ARL15: variants seen among roughly 807,000 people sequenced by gnomAD.
ARL15 encodes the protein ADP-ribosylation factor-like protein 15.
Under a neutral mutation model 25.2 loss-of-function variants are expected in ARL15, and 19 were observed. That is an observed-to-expected ratio of 0.75 (90% confidence interval 0.53 to 1.10). The LOEUF is 1.10. ARL15 is among the 50% of genes least tolerant of loss of function. ARL15 has a pLI of 0.00. For synonymous variants in ARL15, 94 were observed against 86.8 expected, an observed-to-expected ratio of 1.08 and a Z score of -0.46; for missense variants, 220 against 246.0, an observed-to-expected ratio of 0.89 and a Z score of 0.71.
rs562548685 is a variant in ARL15, at chr5:54,086,318, T to C, written c.462+26884A>G. On this transcript the variant is annotated intron_variant, in intron 4 of 4. Coordinates refer to ENST00000504924, the MANE Select transcript of ARL15 (RefSeq NM_019087.3). ...TGGAAGTTATAGGCTTTTTTCAAAA[T>C]CCCCTTTAATTGCTTATTAGTTCTA... Among the ~76,000 whole-genome samples the C allele has an allele frequency of 5.9e-5, 9 of 152,260 alleles. No homozygotes were observed. The South Asian group carries it at 1.4e-3, about 25-fold the overall frequency.
At chr5:53,891,622 A>T (rs1352219785) in intron 4 of ARL15, among the ~76,000 whole-genome samples, 2 of 152,150 alleles carry the variant, frequency 1.3e-5, no homozygotes, top group African/African-American at 4.8e-5. Context: ...ACCACTGGGG[A>T]TGGCAGCTGG....
chr5:54,068,146 G>A (rs1751304264), intron 4 of ARL15, among the ~76,000 whole-genome samples: 1 of 152,162 alleles, frequency 6.6e-6, no homozygotes, highest in Non-Finnish European at 1.5e-5. Flanking sequence ...GCCATGATTT[G>A]AACTGAGGAT....
At chr5:54,302,564 G>A (rs1758640292) in intron 1 of ARL15, among the ~76,000 whole-genome samples, 1 of 151,894 alleles carries the variant, frequency 6.6e-6, no homozygotes, top group African/African-American at 2.4e-5. Flanking sequence ...AACCAGCAAT[G>A]ATGCAGGTTA....
chr5:54,107,493 C>T (rs958439143), intron 4 of ARL15, among the ~76,000 whole-genome samples: 3 of 151,924 alleles, frequency 2.0e-5, no homozygotes, highest in East Asian at 1.9e-4. Context: ...CATGAAACTT[C>T]GATAGGAAGT....
chr5:54,229,111 A>G (rs1756600217), intron 1 of ARL15, among the ~76,000 whole-genome samples: 1 of 152,126 alleles, frequency 6.6e-6, no homozygotes, highest in Non-Finnish European at 1.5e-5. Flanking sequence ...TCAATTCATT[A>G]AACATTCTCT....
intron 1 of ARL15, among the ~76,000 whole-genome samples, chr5:54,202,612 A>G (rs1178771401): frequency 6.6e-6 from 1 of 152,210 alleles, no homozygotes; most frequent in African/African-American, 2.4e-5. Context: ...CCAGAACTGC[A>G]AAGTAATAAA....
At chr5:54,214,239 TAA>T (rs1561269451) in intron 1 of ARL15, among the ~76,000 whole-genome samples, 1 of 152,220 alleles carries the variant, frequency 6.6e-6, no homozygotes, top group Non-Finnish European at 1.5e-5. Flanking sequence ...CTAACTGATA[TAA>T]CTTTGCTACA....
intron 1 of ARL15, among the ~76,000 whole-genome samples, chr5:54,303,399 T>C (rs998798): frequency 6.6e-6 from 1 of 152,068 alleles, no homozygotes; most frequent in Admixed American, 6.5e-5. Flanking sequence ...TAGTCCCAGC[T>C]ACTCAGGAGG....
At chr5:54,026,978 G>A (rs1749802666) in intron 4 of ARL15, among the ~76,000 whole-genome samples, 2 of 152,100 alleles carry the variant, frequency 1.3e-5, no homozygotes, top group African/African-American at 2.4e-5. Flanking sequence ...ATGAACCATA[G>A]CTATGGAAGG....
intron 1 of ARL15, among the ~76,000 whole-genome samples, chr5:54,304,966 G>C (rs1264079646): frequency 6.6e-6 from 1 of 151,772 alleles, no homozygotes; most frequent in African/African-American, 2.4e-5. Context: ...AGTGCCTGTG[G>C]GCTCTACCCT....
chr5:53,942,630 C>T (rs940632422), intron 4 of ARL15, among the ~76,000 whole-genome samples: 1 of 152,108 alleles, frequency 6.6e-6, no homozygotes, highest in Non-Finnish European at 1.5e-5. Flanking sequence ...CCTGTAATCC[C>T]AGCTACTCAG....
At chr5:54,220,577 G>A (rs62372191) in intron 1 of ARL15, among the ~76,000 whole-genome samples, 3,056 of 152,204 alleles carry the variant, frequency 0.02, 37 homozygotes, top group Non-Finnish European at 0.026. Context: ...TTTTAAATAT[G>A]ATAATCACCT....
chr5:53,975,432 T>C (rs962738251), intron 4 of ARL15, among the ~76,000 whole-genome samples: 6 of 152,192 alleles, frequency 3.9e-5, no homozygotes, highest in Non-Finnish European at 8.8e-5. Context: ...GTTACACTAC[T>C]CCTCTAAGAA....
chr5:54,076,617 G>A (rs981332957), intron 4 of ARL15, among the ~76,000 whole-genome samples: 3 of 110,426 alleles, frequency 2.7e-5, no homozygotes, highest in Admixed American at 1.0e-4. Flanking sequence ...TCACAAGTAA[G>A]AATCCTGTAA....
At chr5:54,236,782 C>T (rs1756822002) in intron 1 of ARL15, among the ~76,000 whole-genome samples, 1 of 152,144 alleles carries the variant, frequency 6.6e-6, no homozygotes, top group Non-Finnish European at 1.5e-5. Flanking sequence ...CTATTTTAAG[C>T]CTACTTCCAT....
At chr5:54,171,136 T>C (rs552206834) in intron 2 of ARL15, among the ~76,000 whole-genome samples, 89 of 152,288 alleles carry the variant, frequency 5.8e-4, no homozygotes, top group African/African-American at 2.0e-3. Flanking sequence ...CTGATAACTC[T>C]TTGCTGTGGG....
intron 4 of ARL15, among the ~76,000 whole-genome samples, chr5:53,928,840 G>A (rs148192724): frequency 1.1e-4 from 16 of 152,202 alleles, no homozygotes; most frequent in East Asian, 3.9e-4. Context: ...AACTCACTGC[G>A]TTAACCAATG....
chr5:54,184,261 C>CAAA (rs201681698), intron 1 of ARL15, among the ~76,000 whole-genome samples: 1 of 117,054 alleles, frequency 8.5e-6, no homozygotes, highest in Non-Finnish European at 1.7e-5. Flanking sequence ...AAAAAAAAAT[C>CAAA]AAAAAAAAAA....
Position 54,278,323 on chromosome 5 carries a change from G to A in ARL15, c.48+32109C>T, listed in dbSNP as rs566496142. Among the ~76,000 whole-genome samples the A allele has an allele frequency of 1.1e-4, 17 of 152,256 alleles. No homozygotes were observed. In the South Asian group the frequency reaches 2.7e-3, roughly 24 times the overall value. ...ACTTCAAGATCACATTCTTAAGCATGGCCTGTTTTCACTGCCAGGATTTCA... is the reference window on the plus strand; with the variant it reads ...ACTTCAAGATCACATTCTTAAGCATAGCCTGTTTTCACTGCCAGGATTTCA... On this transcript the variant is annotated intron_variant, in intron 1 of 4. Coordinates refer to ENST00000504924, the MANE Select transcript of ARL15 (RefSeq NM_019087.3).
Sources: gnomAD v4.1 joint callset for allele counts (sites outside exome capture counted in the v4.1 genomes callset) on GRCh38, gnomAD v4.1.1 for gene constraint, MANE v1.5 for transcripts, NCBI Gene and HGNC (gene_info 2026-07-23, HGNC 2026-07-21) for gene names.